The following PLCD1 variants were observed in gnomAD, a reference collection of about 807,000 sequenced individuals.
PLCD1 encodes the protein 1-phosphatidylinositol 4,5-bisphosphate phosphodiesterase delta-1.
In PLCD1, 71 loss-of-function variants were observed where a neutral mutation model predicts 87.4. The observed-to-expected ratio is 0.81, with a 90% CI of 0.67 to 0.99. The LOEUF is 0.99. Among genes scored for constraint, PLCD1 ranks in the 50% least tolerant of loss-of-function variants. PLCD1 has a pLI of 0.00. For missense variants in PLCD1, 867 were observed against 1,001.5 expected (o/e 0.87, Z 1.81); for synonymous variants, 348 against 399.2 (o/e 0.87, Z 1.53).
intron 5 of PLCD1, 71 bp downstream of exon 5, chr3:38,011,143 G>C (rs1427081930): frequency 8.1e-7 from 1 of 1,236,618 alleles, no homozygotes; most frequent in African/African-American, 1.5e-5. Flanking sequence ...TCTGGCTGCA[G>C]TCTCCCCAGG....
intron 1 of PLCD1, among the ~76,000 whole-genome samples, chr3:38,022,635 C>A (rs990585258): frequency 6.6e-6 from 1 of 152,160 alleles, no homozygotes; most frequent in East Asian, 1.9e-4. Context: ...CAGAGATAAA[C>A]CCCCAGCTGC....
chr3:38,017,199 T>G lies in PLCD1; in HGVS notation c.200-480A>C, dbSNP rs1700171478. ...ACTGTATTGGACTTTGGGTCTGTCC[T>G]GACCCGATAAAGCCACAAGAGCCAC... On this transcript the variant is annotated intron_variant, in intron 2 of 14. Transcript: ENST00000334661. This position sits in a 1 kb window ranked among gnomAD's most constrained non-coding sequence, Gnocchi z 4.7. 1.3e-5 allele frequency among the ~76,000 whole-genome samples: 2 copies of G among 151,966 alleles called. No individual in the cohort carries two copies. Among genetic ancestry groups the G allele is most frequent in the African/African-American group, 4.8e-5 (2 of 41,380 alleles).
intron 1 of PLCD1, chr3:38,024,878 T>G (rs1700290430): frequency 1.2e-5 from 5 of 402,736 alleles, no homozygotes; most frequent in East Asian, 1.0e-4. Flanking sequence ...GGGGCGAGAG[T>G]GGTGTCGAGG....
rs188711568 is a variant in PLCD1 at position 38,013,559 on chromosome 3, T to C, written c.429-1886A>G. On this transcript the variant is annotated intron_variant, in intron 3 of 14. Transcript: ENST00000334661. ...ATGCATCTGCCAAAAATAATGGAAA[T>C]CATACATTTGTAGTCCATTTTCTGT... Among the ~76,000 whole-genome samples the C allele has an allele frequency of 3.5e-3, 533 of 152,350 alleles. 1 individual carries two copies. Among genetic ancestry groups the C allele is most frequent in the Non-Finnish European group, 6.5e-3 (439 of 68,032 alleles).
In PLCD1 at chr3:38,008,144, G is replaced by A; in HGVS notation, c.2055C>T (p.Asp685=). The A allele has an allele frequency of 6.2e-7, 1 of 1,613,906 alleles. No individual in the cohort carries two copies. Among genetic ancestry groups the A allele is most frequent in the Non-Finnish European group, 8.5e-7 (1 of 1,180,024 alleles). ...ITNNGFNPWW[D]TEFAFEVVVP... ...CAACTACCTCAAACGCAAACTCCGT[G>A]TCCCACCATGGGTTGAAACCTAGGG... Residue 685 remains aspartate, a synonymous_variant, in exon 14 of 15, where the codon GAC becomes GAT. Transcript: ENST00000334661.
In PLCD1 at chr3:38,025,222, G is replaced by A. The variant is rs775923719; in HGVS notation, c.34+4284C>T. Among the ~76,000 whole-genome samples, 8 of 152,194 alleles carry A rather than the reference G, an allele frequency of 5.3e-5. No homozygotes were observed. The highest frequency in any genetic ancestry group is 1.0e-4 in the Non-Finnish European group (7 of 68,016). On this transcript the variant is annotated intron_variant, in intron 1 of 14. Coordinates refer to ENST00000334661, the MANE Select transcript of PLCD1 (RefSeq NM_006225.4). The surrounding 1 kb of genome is among the most constrained non-coding windows in gnomAD (Gnocchi z 4.0). ...CAGGGAGGGGCGGTCCCTCGGCTTT[G>A]GAGGCGGTGCGGGGGCGGAGCCAGG...
At chr3:38,016,335 C>A (rs537670484) in intron 3 of PLCD1, among the ~76,000 whole-genome samples, 156 bp downstream of exon 3, 1 of 152,344 alleles carries the variant, frequency 6.6e-6, no homozygotes, top group East Asian at 1.9e-4. Context: ...AGCCTCCACA[C>A]TGTGAGAAAA....
In PLCD1 at chr3:38,008,616, G is replaced by C; in HGVS notation, c.1744C>G (p.Pro582Ala). 1 of 1,614,140 alleles carries C rather than the reference G, an allele frequency of 6.2e-7. No homozygotes were observed. The highest frequency in any genetic ancestry group is 8.5e-7 in the Non-Finnish European group (1 of 1,179,994). Residue 582 changes from proline to alanine, a missense_variant, in exon 12 of 15, where the codon CCT becomes GCT. Pro to Ala is a conservative substitution (Grantham distance 27). Coordinates refer to ENST00000334661, the MANE Select transcript of PLCD1 (RefSeq NM_006225.4). ...CQIVALNFQT[P>A]GPEMDVYQGR... is the part of the protein sequence containing the mutation. ...TGGTACACGTCCATCTCTGGCCCAG[G>C]TGTCTGGAAATTCAGGGCCACTACA...
Position 38,009,032 on chromosome 3 carries a change from C to T in PLCD1, c.1723+10G>A. The stretch of plus-strand genomic sequence containing the variant: ...CCTCCAGGCCTCCTCCAGCCCCAGC[C>T]AGCCCATACCGATCTGGCAGCCCCC... On this transcript the variant is annotated intron_variant, in intron 11 of 14. Transcript: ENST00000334661. The T allele has an allele frequency of 6.2e-7, 1 of 1,605,374 alleles. No individual in the cohort carries two copies. Among genetic ancestry groups the T allele is most frequent in the Non-Finnish European group, 8.5e-7 (1 of 1,173,328 alleles).
At position 38,025,180 on chromosome 3, in the gene PLCD1, G is replaced by C. The variant is rs1017942773; in HGVS notation, c.34+4326C>G. Among the ~76,000 whole-genome samples, 3 of 152,208 alleles carry C rather than the reference G, an allele frequency of 2.0e-5. No individual in the cohort carries two copies. Among genetic ancestry groups the C allele is most frequent in the African/African-American group, 7.2e-5 (3 of 41,458 alleles). On this transcript the variant is annotated intron_variant, in intron 1 of 14. Coordinates refer to ENST00000334661, the MANE Select transcript of PLCD1 (RefSeq NM_006225.4). This position sits in a 1 kb window ranked among gnomAD's most constrained non-coding sequence, Gnocchi z 4.0. Reference sequence around the variant, plus strand: ...GCGAGCCTGGGAGGATCCCGCACTGGAAGGGCGGTGTCCAGGCAGGGAGGG... The same window carrying C: ...GCGAGCCTGGGAGGATCCCGCACTGCAAGGGCGGTGTCCAGGCAGGGAGGG...
rs1700169315 is a variant in PLCD1 at position 38,017,057 on chromosome 3, T to C, written c.200-338A>G. Among the ~76,000 whole-genome samples the C allele has an allele frequency of 6.6e-6, 1 of 151,572 alleles. No individual in the cohort carries two copies. Among genetic ancestry groups the C allele is most frequent in the Admixed American group, 6.6e-5 (1 of 15,238 alleles). The stretch of plus-strand genomic sequence containing the variant: ...TGGGACCCCAGGCCTGCTCTCTCGG[T>C]GATGGGGGGTGCAGGGCCCCAGGGA... On this transcript the variant is annotated intron_variant, in intron 2 of 14. Transcript: ENST00000334661. This position sits in a 1 kb window ranked among gnomAD's most constrained non-coding sequence, Gnocchi z 4.7.
In PLCD1 at chr3:38,010,057, G is replaced by A. The variant is rs1700045411; in HGVS notation, c.1138-4C>T. 3 of 1,614,090 alleles carry A rather than the reference G, an allele frequency of 1.9e-6. No individual in the cohort carries two copies. The African/African-American group carries it at 4.0e-5, about 22-fold the overall frequency. ...GGATGACAGGGTAGGGGGACGCCTG[G>A]AGGCCCAAGGGCACATTAGGAGTGG... is the stretch of plus-strand genomic sequence containing the variant. On this transcript the variant is annotated splice_region_variant and splice_polypyrimidine_tract_variant and intron_variant, in intron 7 of 14. Coordinates refer to ENST00000334661, the MANE Select transcript of PLCD1 (RefSeq NM_006225.4).
intron 3 of PLCD1, among the ~76,000 whole-genome samples, chr3:38,012,634 A>G (rs1464227615): frequency 8.0e-5 from 12 of 150,464 alleles, no homozygotes. Context: ...CTCCTGCCCT[A>G]GCCTCCTGAG....
chr3:38,026,868 C>T (rs1222602103), intron 1 of PLCD1, among the ~76,000 whole-genome samples: 1 of 152,226 alleles, frequency 6.6e-6, no homozygotes, highest in Non-Finnish European at 1.5e-5. Context: ...GTAAGTAGAA[C>T]CAAAGCTAGG....
At chr3:38,010,660 C>T (rs1175410468) in intron 5 of PLCD1, 98 bp from the exon 6 acceptor site, 5 of 910,208 alleles carry the variant, frequency 5.5e-6, no homozygotes, top group Non-Finnish European at 8.6e-6. Flanking sequence ...AACCCGCTTG[C>T]CTGCCTGTCC....
intron 1 of PLCD1, among the ~76,000 whole-genome samples, chr3:38,022,601 G>A (rs945700865): frequency 2.8e-4 from 43 of 152,310 alleles, no homozygotes; most frequent in African/African-American, 7.0e-4. Context: ...CTGGAGCCAG[G>A]CTGTGGCCCT....
In PLCD1 at chr3:38,017,309, C is replaced by T. The variant is rs1455346074; in HGVS notation, c.200-590G>A. On this transcript the variant is annotated intron_variant, in intron 2 of 14. Coordinates refer to ENST00000334661, the MANE Select transcript of PLCD1 (RefSeq NM_006225.4). The surrounding 1 kb of genome is among the most constrained non-coding windows in gnomAD (Gnocchi z 4.7). ...GGGTCTATGGGCAGAGGGCCGAAGA[C>T]AGAGGGAGAAGCCCTGCATGGGAGA... is the stretch of plus-strand genomic sequence containing the variant. 6.6e-6 allele frequency among the ~76,000 whole-genome samples: 1 copy of T among 152,152 alleles called. No homozygotes were observed. Among genetic ancestry groups the T allele is most frequent in the Admixed American group, 6.5e-5 (1 of 15,280 alleles).
chr3:38,026,562 AG>A (rs1220189502), intron 1 of PLCD1, among the ~76,000 whole-genome samples: 5 of 152,208 alleles, frequency 3.3e-5, no homozygotes, highest in African/African-American at 1.2e-4. Flanking sequence ...AATCCTGAGA[AG>A]GGGTCTACAG....
intron 1 of PLCD1, chr3:38,024,743 A>G (rs977401390): frequency 2.9e-6 from 4 of 1,383,068 alleles, no homozygotes; most frequent in Non-Finnish European, 3.8e-6. Context: ...GAGGCAAAGT[A>G]AATGAGTGGG....
Sources: allele counts gnomAD v4.1 joint callset (sites outside exome capture counted in the v4.1 genomes callset), GRCh38; gene constraint gnomAD v4.1.1; non-coding constraint Gnocchi (gnomAD v3.1); transcripts MANE v1.5; gene names NCBI Gene and HGNC (gene_info 2026-07-23, HGNC 2026-07-21).